PIN4: variants seen among roughly 807,000 people sequenced by gnomAD.
PIN4 encodes the protein peptidylprolyl cis/trans isomerase, NIMA-interacting 4.
A neutral mutation model predicts 8.3 loss-of-function variants in PIN4; 3 were observed. The observed-to-expected ratio is 0.36, with a 90% confidence interval of 0.16 to 0.93. PIN4 has a LOEUF of 0.93. Among genes scored for constraint, PIN4 ranks in the 40% least tolerant of loss-of-function variants. PIN4 has a pLI of 0.44. For missense variants in PIN4, 75 were observed against 100.6 expected, an observed-to-expected ratio of 0.75 and a Z score of 1.09; for synonymous variants, 18 against 32.5, an observed-to-expected ratio of 0.55 and a Z score of 1.52.
intron 3 of PIN4, among the ~76,000 whole-genome samples, chrX:72,214,368 C>G (rs886389738): frequency 6.3e-5 from 7 of 111,856 alleles, no homozygotes; most frequent in African/African-American, 2.3e-4. Context: ...ATTTAAGAGT[C>G]AAAAAAACAA....
chrX:72,251,750 A>G (rs903393654), intron 3 of PIN4, among the ~76,000 whole-genome samples: 1 of 110,316 alleles, frequency 9.1e-6, no homozygotes, highest in African/African-American at 3.3e-5. Flanking sequence ...CCATAGACTG[A>G]GTGGTTTAAA....
At chrX:72,218,118 A>C (rs965928887) in intron 3 of PIN4, among the ~76,000 whole-genome samples, 2 of 109,875 alleles carry the variant, frequency 1.8e-5, no homozygotes, top group Non-Finnish European at 3.8e-5. Flanking sequence ...AAAATACAAA[A>C]AATTAGCTGG....
intron 3 of PIN4, among the ~76,000 whole-genome samples, chrX:72,253,364 G>A (rs1006939344): frequency 1.8e-5 from 2 of 112,260 alleles, no homozygotes; most frequent in South Asian, 3.7e-4. Flanking sequence ...GGTGGCTCAC[G>A]CCTGTAATCC....
downstream of PIN4, among the ~76,000 whole-genome samples, chrX:72,200,559 C>G (rs2042786414): frequency 8.9e-6 from 1 of 111,847 alleles, no homozygotes; most frequent in South Asian, 3.7e-4. Flanking sequence ...ATAAAAGATA[C>G]AAGGATATTC....
chrX:72,227,285 TTACTCAACAC>T (rs2147600282), intron 3 of PIN4, among the ~76,000 whole-genome samples: 1 of 111,704 alleles, frequency 9.0e-6, no homozygotes, highest in East Asian at 2.8e-4. Context: ...ATCTCTCAAA[TTACTCAACAC>T]TTGCACCAGC....
chrX:72,210,119 CT>C (rs1378266141), intron 3 of PIN4, among the ~76,000 whole-genome samples: 3 of 108,352 alleles, frequency 2.8e-5, no homozygotes, highest in African/African-American at 1.0e-4. Context: ...GATCCCAGCA[CT>C]TTTGGGAGGC....
chrX:72,235,365 C>T (rs1462370223), intron 3 of PIN4, among the ~76,000 whole-genome samples: 14 of 106,732 alleles, frequency 1.3e-4, no homozygotes, highest in African/African-American at 4.8e-4. Context: ...TCACTATGAC[C>T]TCCTCTTCTG....
intron 1 of PIN4, among the ~76,000 whole-genome samples, chrX:72,185,239 G>T (rs1257553792): frequency 1.9e-5 from 2 of 107,156 alleles, no homozygotes; most frequent in East Asian, 5.9e-4. Flanking sequence ...AGGCCTCAAT[G>T]CCCTGACCCT....
intron 3 of PIN4, chrX:72,206,018 T>A (rs1307730552): frequency 8.3e-7 from 1 of 1,210,481 alleles, no homozygotes; most frequent in Non-Finnish European, 1.1e-6. Flanking sequence ...TCATCAGCTA[T>A]TTCAATAATG....
At chrX:72,183,552 ACAG>A (rs1341142329) in intron 1 of PIN4, among the ~76,000 whole-genome samples, 1 of 111,512 alleles carries the variant, frequency 9.0e-6, no homozygotes, top group Admixed American at 9.6e-5. Context: ...TCTATCAAGA[ACAG>A]CAGATTTGGA....
intron 2 of PIN4, among the ~76,000 whole-genome samples, chrX:72,187,167 C>T (rs926389706): frequency 1.8e-5 from 2 of 111,568 alleles, no homozygotes; most frequent in African/African-American, 6.5e-5. Context: ...TGTTAAAAGT[C>T]CTCTGCTGAA....
chrX:72,211,534 A>G (rs1157072622), intron 3 of PIN4, among the ~76,000 whole-genome samples: 1 of 111,944 alleles, frequency 8.9e-6, no homozygotes, highest in Non-Finnish European at 1.9e-5. Flanking sequence ...TGTCTCCCCA[A>G]ACACGTGAGG....
At chrX:72,186,903 G>A (rs1259447651) in intron 2 of PIN4, among the ~76,000 whole-genome samples, 1 of 111,358 alleles carries the variant, frequency 9.0e-6, no homozygotes, top group African/African-American at 3.3e-5. Context: ...TCCAGCCTGG[G>A]CAACAGAGTA....
At chrX:72,239,623 T>C (rs898713995) in intron 3 of PIN4, among the ~76,000 whole-genome samples, 18 of 109,797 alleles carry the variant, frequency 1.6e-4, no homozygotes, top group African/African-American at 5.0e-4. Flanking sequence ...ATACAAAAAA[T>C]TAGCCGGGCG....
intron 3 of PIN4, among the ~76,000 whole-genome samples, chrX:72,238,551 TAAGCTGAAAAGAATC>T (rs1348967671): frequency 8.9e-6 from 1 of 112,526 alleles, no homozygotes; most frequent in African/African-American, 3.2e-5. Context: ...TAGGGCTTGA[TAAGCTGAAAAGAATC>T]AAGAAGGGCT....
At chrX:72,204,099 C>T (rs1305862866) in intron 3 of PIN4, among the ~76,000 whole-genome samples, 2 of 112,244 alleles carry the variant, frequency 1.8e-5, no homozygotes. Flanking sequence ...GCTCAGCTTT[C>T]TGCTGTTCCA....
chrX:72,249,803 A>G (rs2043079897), intron 3 of PIN4, among the ~76,000 whole-genome samples: 2 of 111,918 alleles, frequency 1.8e-5, no homozygotes, highest in Middle Eastern at 4.6e-3. Flanking sequence ...GAAATGTTCT[A>G]TGTTTTAATG....
At chrX:72,199,332 TAAG>T (rs2042781218), downstream of PIN4, among the ~76,000 whole-genome samples, 1 of 111,161 alleles carries the variant, frequency 9.0e-6, no homozygotes. Context: ...GTCAGGAATT[TAAG>T]AAGACCAGCC....
chrX:72,248,296 A>G lies in PIN4; in HGVS notation c.313-14411A>G, dbSNP rs1244501057. ...GACATAGCTTGCTCCATCCAGAAAA[A>G]AAAAAAAAAAAAAAAAAAAAAAAAA... On this transcript the variant is annotated intron_variant, in intron 3 of 3. Coordinates refer to the PIN4 transcript ENST00000423432. Among the ~76,000 whole-genome samples the G allele has an allele frequency of 2.9e-3, 31 of 10,601 alleles. No homozygotes were observed. The African/African-American group carries it at 0.044, about 15-fold the overall frequency. 9.2% of individuals were successfully genotyped at this position (10,601 alleles called of 115,157 possible). A position where few individuals can be genotyped will look rare whatever the true frequency, so the allele number is the denominator to read the frequency against.
Sources: allele counts gnomAD v4.1 joint callset (sites outside exome capture counted in the v4.1 genomes callset), GRCh38; gene constraint gnomAD v4.1.1; transcripts MANE v1.5; gene names NCBI Gene and HGNC (gene_info 2026-07-23, HGNC 2026-07-21).